Variants in SNX29 observed in about 807,000 individuals in gnomAD.
SNX29 encodes sorting nexin 29, also known as sorting nexin-29.
A neutral mutation model predicts 102.1 loss-of-function variants in SNX29; 78 were observed. The ratio of observed to expected loss-of-function variants is 0.76; its 90% CI spans 0.64 to 0.92. SNX29 has a LOEUF of 0.92. Among genes scored for constraint, SNX29 ranks in the 40% least tolerant of loss-of-function variants. The pLI is 0.00. For missense variants in SNX29, 1,280 were observed against 1,061.7 expected, an observed-to-expected ratio of 1.21 and a Z score of -2.86; for synonymous variants, 580 against 414.5, an observed-to-expected ratio of 1.40 and a Z score of -4.85.
chr16:12,106,201 G>T lies in SNX29; in HGVS notation c.1403-20432G>T, dbSNP rs558115045. Among the ~76,000 whole-genome samples the T allele has an allele frequency of 5.6e-4, 85 of 152,310 alleles. 1 individual carries two copies. The South Asian group carries it at 0.017, about 31-fold the overall frequency. ...TGTGGGCTGAGGGAGGGACTGAAAA[G>T]CTCCCCTCCTAATGTGTCAATGGCT... On this transcript the variant is annotated intron_variant, in intron 11 of 20. Transcript: ENST00000566228.
intron 14 of SNX29, among the ~76,000 whole-genome samples, chr16:12,253,018 G>C (rs1031254999): frequency 1.3e-5 from 2 of 152,214 alleles, no homozygotes; most frequent in African/African-American, 4.8e-5. Flanking sequence ...TCCAGACCCA[G>C]ATAGAGAAGC....
At chr16:11,989,746 C>T (rs2055773599) in intron 1 of SNX29, among the ~76,000 whole-genome samples, 2 of 151,950 alleles carry the variant, frequency 1.3e-5, no homozygotes, top group African/African-American at 2.4e-5. Context: ...ATGCATAATC[C>T]CTCCCACGAT....
intron 19 of SNX29, among the ~76,000 whole-genome samples, chr16:12,512,011 G>C (rs1239045465): frequency 6.6e-6 from 1 of 152,040 alleles, no homozygotes; most frequent in African/African-American, 2.4e-5. Context: ...GGGCACTGAA[G>C]ATGGATACAG....
chr16:12,327,424 G>A (rs1411191691), intron 15 of SNX29, among the ~76,000 whole-genome samples: 1 of 151,974 alleles, frequency 6.6e-6, no homozygotes, highest in Non-Finnish European at 1.5e-5. Context: ...TGAGATCAAG[G>A]TGTCGGCAGG....
chr16:12,045,662 T>C (rs1180755161), intron 5 of SNX29, among the ~76,000 whole-genome samples: 2 of 141,128 alleles, frequency 1.4e-5, no homozygotes, highest in East Asian at 3.9e-4. Flanking sequence ...GGTGGAGTCT[T>C]GCTCTTTCGC....
chr16:12,095,079 T>C (rs2052712927), intron 11 of SNX29: 1 of 152,208 alleles, frequency 6.6e-6, no homozygotes, highest in South Asian at 2.1e-4. Context: ...ACCTGTGGAA[T>C]GCACCAGACT....
At chr16:12,360,568 A>G (rs993407872) in intron 16 of SNX29, among the ~76,000 whole-genome samples, 2 of 152,126 alleles carry the variant, frequency 1.3e-5, no homozygotes, top group African/African-American at 4.8e-5. Flanking sequence ...TTGGTCTAGG[A>G]AAGCACTATT....
At chr16:12,317,162 C>CGGACT (rs1316821502) in intron 15 of SNX29, among the ~76,000 whole-genome samples, 13 of 152,182 alleles carry the variant, frequency 8.5e-5, no homozygotes, top group African/African-American at 2.9e-4. Flanking sequence ...AAGGGAGTGG[C>CGGACT]GGACTGTCTT....
chr16:12,154,292 A>G (rs2055433492), intron 13 of SNX29, among the ~76,000 whole-genome samples: 1 of 152,108 alleles, frequency 6.6e-6, no homozygotes. Context: ...AGAGGTGAAA[A>G]CTGCTCCTCC....
At position 12,562,348 on chromosome 16, in the gene SNX29, C is replaced by T. The variant is rs143969104; in HGVS notation, c.2319-6158C>T. Among the ~76,000 whole-genome samples the T allele has an allele frequency of 6.3e-4, 95 of 151,588 alleles. 1 individual carries two copies. The highest frequency in any genetic ancestry group is 2.2e-3 in the African/African-American group (89 of 41,094). On this transcript the variant is annotated intron_variant, in intron 20 of 20. Coordinates refer to ENST00000566228, the MANE Select transcript of SNX29 (RefSeq NM_032167.5). ...CTGCAGGGCAGATTCTGTGATTTCC[C>T]CCTTTATTTTTGCTTGCACCATTTT...
intron 4 of SNX29, among the ~76,000 whole-genome samples, chr16:12,036,997 C>T (rs1480764476): frequency 1.3e-5 from 2 of 152,128 alleles, no homozygotes; most frequent in Non-Finnish European, 2.9e-5. Flanking sequence ...CGTCCCTCAC[C>T]ACCGCTTCTC....
At chr16:12,053,989 A>G (rs1184723151) in intron 8 of SNX29, among the ~76,000 whole-genome samples, 2 of 148,726 alleles carry the variant, frequency 1.3e-5, no homozygotes, top group African/African-American at 2.5e-5. Context: ...TTTTTTTGAG[A>G]CAGAGTCTTG....
chr16:12,259,042 C>T (rs1224227263), intron 14 of SNX29, among the ~76,000 whole-genome samples: 1 of 152,166 alleles, frequency 6.6e-6, no homozygotes, highest in African/African-American at 2.4e-5. Flanking sequence ...CCACGCCTCC[C>T]TCCCCAGATT....
chr16:12,140,726 C>G (rs2054839334), intron 13 of SNX29, among the ~76,000 whole-genome samples: 1 of 152,138 alleles, frequency 6.6e-6, no homozygotes, highest in South Asian at 2.1e-4. Context: ...CCGAAGGTCT[C>G]TGTGCTGTGT....
intron 20 of SNX29, among the ~76,000 whole-genome samples, chr16:12,552,887 G>T (rs1040230173): frequency 6.6e-6 from 1 of 152,246 alleles, no homozygotes; most frequent in East Asian, 1.9e-4. Flanking sequence ...ACATGGACAT[G>T]GAGGCAGGAG....
intron 8 of SNX29, among the ~76,000 whole-genome samples, chr16:12,054,815 C>T (rs1403071011): frequency 3.9e-5 from 6 of 152,216 alleles, no homozygotes; most frequent in East Asian, 3.8e-4. Flanking sequence ...CCGTGGCTAA[C>T]GCAGTTGCCT....
chr16:12,057,976 C>A (rs907739741), intron 8 of SNX29, among the ~76,000 whole-genome samples: 1 of 151,844 alleles, frequency 6.6e-6, no homozygotes, highest in Non-Finnish European at 1.5e-5. Context: ...CACCACCACT[C>A]CCGGTTAATT....
At chr16:12,407,596 T>C (rs2084217851) in intron 18 of SNX29, among the ~76,000 whole-genome samples, 1 of 152,212 alleles carries the variant, frequency 6.6e-6, no homozygotes, top group Non-Finnish European at 1.5e-5. Flanking sequence ...TAATAATTAG[T>C]AGCCACCTCT....
chr16:12,559,865 C>T (rs1035672346), intron 20 of SNX29, among the ~76,000 whole-genome samples: 1 of 152,006 alleles, frequency 6.6e-6, no homozygotes, highest in African/African-American at 2.4e-5. Context: ...TTTAAAATAC[C>T]AGATTTCAGA....
Sources: allele counts gnomAD v4.1 joint callset (sites outside exome capture counted in the v4.1 genomes callset), GRCh38; gene constraint gnomAD v4.1.1; transcripts MANE v1.5; gene names NCBI Gene and HGNC (gene_info 2026-07-23, HGNC 2026-07-21).